Variants in FAM184A observed in about 807,000 individuals in gnomAD.
The protein encoded by FAM184A is family with sequence similarity 184 member A.
In FAM184A, 99 loss-of-function variants were observed where a neutral mutation model predicts 143.8. That is an observed-to-expected ratio of 0.69 (90% CI 0.58 to 0.81). The LOEUF (loss-of-function observed/expected upper bound fraction) is 0.81, where lower values mean the gene tolerates loss of function less well. Ranked by LOEUF, FAM184A falls within the 40% of genes least tolerant of loss-of-function variation. FAM184A has a pLI of 0.00. For synonymous variants in FAM184A, 427 were observed against 446.4 expected, an observed-to-expected ratio of 0.96 and a Z score of 0.55; for missense variants, 1,217 against 1,310.5, an observed-to-expected ratio of 0.93 and a Z score of 1.10.
In FAM184A at chr6:119,001,548, T is replaced by C. The variant is rs117874538; in HGVS notation, c.2088+1351A>G. On this transcript the variant is annotated intron_variant, in intron 9 of 17. Coordinates refer to ENST00000338891, the MANE Select transcript of FAM184A (RefSeq NM_024581.6). Reference sequence around the variant, plus strand: ...GTCCTCTCAGGAAAGAACTGCAGAATAGACACCCAAAGAAAAAAAGAAGAA... The same window carrying C: ...GTCCTCTCAGGAAAGAACTGCAGAACAGACACCCAAAGAAAAAAAGAAGAA... Among the ~76,000 whole-genome samples the C allele has an allele frequency of 7.4e-3, 1,126 of 152,088 alleles. 10 individuals are homozygous for C. The highest frequency in any genetic ancestry group is 0.013 in the Non-Finnish European group (852 of 67,966).
At chr6:119,041,419 C>T (rs572875561) in intron 1 of FAM184A, among the ~76,000 whole-genome samples, 6 of 152,152 alleles carry the variant, frequency 3.9e-5, no homozygotes, top group Non-Finnish European at 7.4e-5. Flanking sequence ...GTAAAGAGCG[C>T]TCACTAAAAT....
chr6:119,132,589 T>TA (rs1341501655), intron 1 of FAM184A, among the ~76,000 whole-genome samples: 14 of 152,222 alleles, frequency 9.2e-5, no homozygotes, highest in African/African-American at 2.9e-4. Context: ...CAAATTTTTT[T>TA]AAAAAACGTA....
intron 1 of FAM184A, among the ~76,000 whole-genome samples, chr6:119,098,880 C>T (rs535445877): frequency 5.3e-4 from 81 of 152,238 alleles, no homozygotes; most frequent in African/African-American, 1.8e-3. Flanking sequence ...GAGGCCGATG[C>T]GGGTGGATCA....
At position 119,023,991 on chromosome 6, in the gene FAM184A, T is replaced by C; in HGVS notation, c.982A>G (p.Thr328Ala). Residue 328 changes from threonine (T) to alanine (A), a missense_variant, in exon 2 of 18, where the codon ACG (threonine) becomes GCG (alanine). Thr to Ala is a moderately conservative substitution (Grantham distance 58). Coordinates refer to ENST00000338891, the MANE Select transcript of FAM184A (RefSeq NM_024581.6). The stretch of plus-strand genomic sequence containing the variant: ...TTGTTCTCTGCTATGGCAAGTGCCG[T>C]CTGAAGCTTTTGGCATTTGTCAAGA... Reference protein sequence around the residue: ...SLLDKCQKLQTALAIAENNVQ... With the variant: ...SLLDKCQKLQAALAIAENNVQ... 1.2e-6 allele frequency: 2 copies of C among 1,605,984 alleles called. No homozygotes were observed. Among genetic ancestry groups the C allele is most frequent in the Non-Finnish European group, 1.7e-6 (2 of 1,177,676 alleles).
intron 14 of FAM184A, among the ~76,000 whole-genome samples, chr6:118,970,008 A>ATATATATATATATAT: frequency 1.0e-4 from 2 of 19,052 alleles, no homozygotes; most frequent in African/African-American, 3.1e-4. Context: ...ATATATATAT[A>ATATATATATATATAT]TTTTTTTTTT....
Position 119,140,987 on chromosome 6 carries a change from A to G in FAM184A, c.-202+8091T>C, listed in dbSNP as rs140452540. On this transcript the variant is annotated intron_variant, in intron 1 of 16. Transcript: ENST00000352896. ...TTGACAACTGGAGATAAGCCACCTG[A>G]TGTTCTGTCTTCTGGGATATGTGGA... Among the ~76,000 whole-genome samples the G allele has an allele frequency of 1.1e-3, 171 of 152,288 alleles. 3 individuals carry two copies. In the East Asian group the frequency reaches 0.029, roughly 26 times the overall value.
rs144580518 is a variant in FAM184A at position 119,065,563 on chromosome 6, T to C, written c.159+12578A>G. ...TCTTATCTCAGTCAACGTTAATAGT[T>C]ATCTAGTCCATCTAGTCACTCATTC... On this transcript the variant is annotated intron_variant, in intron 1 of 17. Coordinates refer to ENST00000338891, the MANE Select transcript of FAM184A (RefSeq NM_024581.6). Among the ~76,000 whole-genome samples, 1,484 of 152,300 alleles carry C rather than the reference T, an allele frequency of 9.7e-3. 26 individuals are homozygous for C. The highest frequency in any genetic ancestry group is 0.054 in the Middle Eastern group (16 of 294).
chr6:119,131,190 C>T (rs568119168), intron 1 of FAM184A, among the ~76,000 whole-genome samples: 1 of 152,204 alleles, frequency 6.6e-6, no homozygotes, highest in South Asian at 2.1e-4. Context: ...AATGAATTTC[C>T]TAAATCAAAG....
At chr6:119,000,225 A>T (rs891334920) in intron 9 of FAM184A, among the ~76,000 whole-genome samples, 10 of 152,358 alleles carry the variant, frequency 6.6e-5, no homozygotes, top group African/African-American at 2.4e-4. Context: ...ATGGCATTTT[A>T]AAATCACAAA....
chr6:119,106,834 T>C (rs1788799562), intron 1 of FAM184A, among the ~76,000 whole-genome samples: 1 of 152,226 alleles, frequency 6.6e-6, no homozygotes, highest in East Asian at 1.9e-4. Context: ...AAAAAGTTCT[T>C]TGTAAATACA....
intron 1 of FAM184A, among the ~76,000 whole-genome samples, chr6:119,097,602 T>C (rs1221012718): frequency 3.9e-5 from 6 of 152,312 alleles, no homozygotes; most frequent in African/African-American, 1.2e-4. Flanking sequence ...GGTTACTTGC[T>C]AAGTGGCCGA....
chr6:118,979,335 T>C, intron 11 of FAM184A, 30 bp downstream of exon 11: 1 of 1,564,184 alleles, frequency 6.4e-7, no homozygotes, highest in Non-Finnish European at 8.6e-7. Flanking sequence ...TACATATGAA[T>C]ATGACAAGAT....
chr6:119,058,444 C>G (rs1173022826), intron 1 of FAM184A, among the ~76,000 whole-genome samples: 1 of 152,058 alleles, frequency 6.6e-6, no homozygotes, highest in East Asian at 1.9e-4. Context: ...TTCAGGTGAT[C>G]TGCCCACCTT....
intron 1 of FAM184A, among the ~76,000 whole-genome samples, chr6:119,051,905 T>TA (rs1446552701): frequency 6.6e-6 from 1 of 152,204 alleles, no homozygotes; most frequent in African/African-American, 2.4e-5. Context: ...ACTCTGGTTG[T>TA]ATTTGGTGAG....
chr6:119,109,918 C>A (rs534887788), intron 1 of FAM184A, among the ~76,000 whole-genome samples: 4 of 152,134 alleles, frequency 2.6e-5, no homozygotes, highest in Admixed American at 6.6e-5. Flanking sequence ...ATTTTAGGCA[C>A]CTTTTCTCAA....
intron 9 of FAM184A, among the ~76,000 whole-genome samples, chr6:118,986,626 A>G (rs1784205227): frequency 6.6e-6 from 1 of 152,218 alleles, no homozygotes; most frequent in African/African-American, 2.4e-5. Context: ...TAGGAGATGA[A>G]TCAAGGCACT....
At chr6:119,058,175 C>CTTT (rs5879483) in intron 1 of FAM184A, among the ~76,000 whole-genome samples, 23 of 89,738 alleles carry the variant, frequency 2.6e-4, no homozygotes, top group African/African-American at 2.8e-4. Flanking sequence ...CTCCTTCTCT[C>CTTT]TTTTTTTTTT....
At chr6:119,015,268 CT>C (rs1209651808) in intron 5 of FAM184A, among the ~76,000 whole-genome samples, 5 of 152,194 alleles carry the variant, frequency 3.3e-5, no homozygotes, top group African/African-American at 1.2e-4. Context: ...GCGGGAGCCC[CT>C]TTCTGGACTG....
At chr6:118,966,220 G>C (rs1430430142) in intron 15 of FAM184A, among the ~76,000 whole-genome samples, 1 of 152,166 alleles carries the variant, frequency 6.6e-6, no homozygotes, top group Non-Finnish European at 1.5e-5. Context: ...AATGGTTAAA[G>C]AGTATATTCA....
Sources: allele counts gnomAD v4.1 joint callset (sites outside exome capture counted in the v4.1 genomes callset), GRCh38; gene constraint gnomAD v4.1.1; transcripts MANE v1.5; gene names NCBI Gene and HGNC (gene_info 2026-07-23, HGNC 2026-07-21).